The following MYB variants were observed in gnomAD, a reference collection of about 807,000 sequenced individuals.
MYB encodes the protein transcriptional activator Myb.
MYB carries 28 observed loss-of-function variants against 92.9 expected under a neutral mutation model. The observed-to-expected ratio is 0.30, with a 90% confidence interval of 0.22 to 0.41. The LOEUF is 0.41. Ranked by LOEUF, MYB falls within the 10% of genes least tolerant of loss-of-function variation. The probability of loss-of-function intolerance (pLI) is 1.00; values close to 1 mark genes in which losing one functional copy is unlikely to be tolerated. For missense variants in MYB, 679 were observed against 929.3 expected, an observed-to-expected ratio of 0.73 and a Z score of 3.50; for synonymous variants, 295 against 329.1, an observed-to-expected ratio of 0.90 and a Z score of 1.12.
intron 15 of MYB, 91 bp downstream of exon 15, chr6:135,203,415 C>T (rs9402696): frequency 0.38 from 389,769 of 1,019,986 alleles, 75,802 homozygotes; most frequent in Admixed American, 0.44. Context: ...GATGGTAGTG[C>T]TGGTGGTCTG....
Position 135,185,761 on chromosome 6 carries a change from C to T in MYB, c.24-142C>T. 7 of 721,688 alleles carry T rather than the reference C, an allele frequency of 9.7e-6. No individual in the cohort carries two copies. The South Asian group carries it at 9.9e-5, about 10-fold the overall frequency. 44.7% of individuals were successfully genotyped at this position (721,688 alleles called of 1,614,324 possible). ...TACTAGAGCAACAGAATGCAGCAAA[C>T]AATCTTGTTGTGCAAGTTTTCAAAG... On this transcript the variant is annotated intron_variant, in intron 1 of 15. Coordinates refer to ENST00000341911, the MANE Select transcript of MYB (RefSeq NM_001130173.2).
At chr6:135,202,067 A>C (rs991360658) in intron 14 of MYB, among the ~76,000 whole-genome samples, 1 of 152,156 alleles carries the variant, frequency 6.6e-6, no homozygotes, top group African/African-American at 2.4e-5. Flanking sequence ...TGTCTTCTAA[A>C]TAATATTGTC....
intron 8 of MYB, chr6:135,195,355 C>CTGTA: frequency 6.4e-6 from 1 of 155,928 alleles, no homozygotes; most frequent in Non-Finnish European, 1.3e-5. Context: ...CTCCTGAGTC[C>CTGTA]TCTAGCTTTT....
Position 135,197,047 on chromosome 6 carries a change from C to T in MYB, c.1290C>T (p.Ala430=). 1 of 1,614,016 alleles carries T rather than the reference C, an allele frequency of 6.2e-7. No individual in the cohort carries two copies. Among genetic ancestry groups the T allele is most frequent in the Non-Finnish European group, 8.5e-7 (1 of 1,179,890 alleles). Residue 430 remains alanine, a synonymous_variant, in exon 10 of 16, where the codon GCC becomes GCT. Transcript: ENST00000341911. The stretch of plus-strand genomic sequence containing the variant: ...CTAGCCAACATCACACAGGCAAAGC[C>T]CTACAGCTTCAGCAAAGAGAGGGCA... The part of the protein sequence containing the change: ...FSPSQHHTGK[A]LQLQQREGNG...
intron 15 of MYB, among the ~76,000 whole-genome samples, chr6:135,204,263 G>A (rs1351675447): frequency 6.6e-6 from 1 of 152,190 alleles, no homozygotes; most frequent in African/African-American, 2.4e-5. Flanking sequence ...TGCCCGGTAA[G>A]TATTTGTGAT....
intron 7 of MYB, 57 bp from the exon 8 acceptor site, chr6:135,194,299 G>T: frequency 2.3e-6 from 3 of 1,316,654 alleles, no homozygotes; most frequent in Non-Finnish European, 3.2e-6. Flanking sequence ...TACACCCATT[G>T]TATTTGCAGC....
Position 135,201,683 on chromosome 6 carries a change from C to T in MYB, c.1995C>T (p.His665=), listed in dbSNP as rs768323941. The T allele has an allele frequency of 3.3e-5, 52 of 1,599,660 alleles. No individual in the cohort carries two copies. The highest frequency in any genetic ancestry group is 4.2e-5 in the Non-Finnish European group (49 of 1,171,158). Residue 665 remains histidine, a synonymous_variant, in exon 14 of 16, where the codon CAC becomes CAT. Coordinates refer to ENST00000341911, the MANE Select transcript of MYB (RefSeq NM_001130173.2). Reference sequence around the variant, plus strand: ...AATCAGGAAACTTCTTCTGCTCACACCACTGGGAAGGGGACAGTCTGAATA... The same window carrying T: ...AATCAGGAAACTTCTTCTGCTCACATCACTGGGAAGGGGACAGTCTGAATA... The part of the protein sequence containing the change: ...TDKSGNFFCS[H]HWEGDSLNTQ...
At chr6:135,201,997 C>T (rs1045893257) in intron 14 of MYB, among the ~76,000 whole-genome samples, 1 of 151,812 alleles carries the variant, frequency 6.6e-6, no homozygotes, top group Non-Finnish European at 1.5e-5. Context: ...AGTGCCTTGG[C>T]CATTTAAAAA....
rs1447202733 is a variant in MYB at position 135,190,556 on chromosome 6, G to C, written c.527+209G>C. Among the ~76,000 whole-genome samples the C allele has an allele frequency of 6.6e-6, 1 of 152,180 alleles. No individual in the cohort carries two copies. Among genetic ancestry groups the C allele is most frequent in the Non-Finnish European group, 1.5e-5 (1 of 68,032 alleles). ...GGATCCACCTGACAGTGAGCCCTGG[G>C]TGAAGACATTTAGCTTTCCCCAGCC... is the stretch of plus-strand genomic sequence containing the variant. On this transcript the variant is annotated intron_variant, in intron 5 of 15. Coordinates refer to ENST00000341911, the MANE Select transcript of MYB (RefSeq NM_001130173.2). The surrounding 1 kb of genome is among the most constrained non-coding windows in gnomAD (Gnocchi z 4.5).
intron 11 of MYB, chr6:135,199,479 A>T: frequency 1.7e-6 from 1 of 577,574 alleles, no homozygotes; most frequent in East Asian, 1.2e-4. Context: ...ATTTATTTTT[A>T]GTTTGTATTT....
At chr6:135,183,621 C>T (rs1775478941) in intron 1 of MYB, among the ~76,000 whole-genome samples, 2 of 152,158 alleles carry the variant, frequency 1.3e-5, no homozygotes, top group Admixed American at 6.5e-5. Context: ...CGACTTAGAG[C>T]AAGCAAATCG....
At chr6:135,204,637 G>A (rs1778620422) in intron 15 of MYB, among the ~76,000 whole-genome samples, 1 of 152,180 alleles carries the variant, frequency 6.6e-6, no homozygotes, top group African/African-American at 2.4e-5. Flanking sequence ...AGGATTGCAA[G>A]CACATTTTGT....
At chr6:135,187,812 G>A (rs1776122273) in intron 2 of MYB, 22 bp from the exon 3 acceptor site, 2 of 1,548,852 alleles carry the variant, frequency 1.3e-6, no homozygotes, top group Non-Finnish European at 1.8e-6. Context: ...TGATATCCTA[G>A]GATTACCTTT....
At chr6:135,212,533 A>G (rs558181167) in intron 15 of MYB, among the ~76,000 whole-genome samples, 1 of 152,072 alleles carries the variant, frequency 6.6e-6, no homozygotes, top group Non-Finnish European at 1.5e-5. Context: ...CTTTAACAGG[A>G]TATCCCAGTT....
At chr6:135,213,377 C>T (rs919672043) in intron 15 of MYB, among the ~76,000 whole-genome samples, 1 of 152,088 alleles carries the variant, frequency 6.6e-6, no homozygotes, top group African/African-American at 2.4e-5. Context: ...ATATATGGTA[C>T]CTTCTTTATA....
chr6:135,185,032 T>C (rs1583239504), intron 1 of MYB, among the ~76,000 whole-genome samples: 1 of 152,184 alleles, frequency 6.6e-6, no homozygotes, highest in African/African-American at 2.4e-5. Context: ...CTTTCGAAAA[T>C]AGTAATGGGT....
chr6:135,189,158 C>G (rs1465783187), intron 3 of MYB, among the ~76,000 whole-genome samples: 1 of 152,168 alleles, frequency 6.6e-6, no homozygotes, highest in East Asian at 1.9e-4. Context: ...AAGACTCCTC[C>G]CAAGGAAACC....
chr6:135,216,114 A>C (rs1169736090), intron 15 of MYB, among the ~76,000 whole-genome samples: 1 of 152,150 alleles, frequency 6.6e-6, no homozygotes, highest in Non-Finnish European at 1.5e-5. Flanking sequence ...AGAGTCAAGC[A>C]GGAGGTTACA....
chr6:135,181,554 G>T lies in MYB; in HGVS notation c.23+18G>T. On this transcript the variant is annotated intron_variant, in intron 1 of 15. Transcript: ENST00000341911. The surrounding 1 kb of genome is among the most constrained non-coding windows in gnomAD (Gnocchi z 5.3). ...CGGCACAGGTAACGGGGAGCCGGGC[G>T]GGCGGCCGAGGGCGGGGGCGCGCGG... The T allele has an allele frequency of 8.6e-7, 1 of 1,159,222 alleles. No homozygotes were observed. The highest frequency in any genetic ancestry group is 1.1e-6 in the Non-Finnish European group (1 of 941,128). The allele number at this position is 1,159,222 out of a possible 1,614,324, so 71.8% of individuals were successfully genotyped here.
Sources: allele counts gnomAD v4.1 joint callset (sites outside exome capture counted in the v4.1 genomes callset), GRCh38; gene constraint gnomAD v4.1.1; non-coding constraint Gnocchi (gnomAD v3.1); transcripts MANE v1.5; gene names NCBI Gene and HGNC (gene_info 2026-07-23, HGNC 2026-07-21).